The following KICS2 variants were observed in gnomAD, a reference collection of about 807,000 sequenced individuals.
The protein encoded by KICS2 is KICSTOR subunit 2.
KICS2 carries 13 observed loss-of-function variants against 31.4 expected under a neutral mutation model. The ratio of observed to expected loss-of-function variants is 0.41; its 90% confidence interval spans 0.27 to 0.66. The LOEUF (loss-of-function observed/expected upper bound fraction) is 0.66, where lower values mean the gene tolerates loss of function less well. KICS2 is among the 30% of genes least tolerant of loss of function. The pLI, the probability that KICS2 is intolerant of heterozygous loss-of-function variation, is 0.28. For synonymous variants in KICS2, 209 were observed against 214.8 expected (o/e 0.97, Z 0.24); for missense variants, 455 against 545.4 (o/e 0.83, Z 1.65).
chr12:64,209,498 T>A (rs373748797), intron 2 of KICS2, among the ~76,000 whole-genome samples: 235 of 152,152 alleles, frequency 1.5e-3, no homozygotes, highest in African/African-American at 4.7e-3. Flanking sequence ...GTCAGGAGAA[T>A]CGCTTGAACC....
At chr12:64,201,890 C>G (rs2037493881) in intron 2 of KICS2, among the ~76,000 whole-genome samples, 1 of 152,032 alleles carries the variant, frequency 6.6e-6, no homozygotes, top group African/African-American at 2.4e-5. Context: ...TAAGAAATAG[C>G]TAACACTTCA....
intron 2 of KICS2, among the ~76,000 whole-genome samples, chr12:64,194,937 T>C (rs529353544): frequency 0.049 from 308 of 6,280 alleles, 1 homozygote; most frequent in African/African-American, 0.16. Context: ...CTACAATTCA[T>C]TTTTTTTTTT....
At chr12:64,187,801 T>G (rs1289855878), downstream of KICS2, 1 of 605,172 alleles carries the variant, frequency 1.7e-6, no homozygotes, top group Non-Finnish European at 2.9e-6. Context: ...CAGAGGCTAC[T>G]TTAATGCTTT....
intron 2 of KICS2, among the ~76,000 whole-genome samples, chr12:64,203,865 C>T (rs182392804): frequency 2.6e-5 from 4 of 152,278 alleles, no homozygotes; most frequent in Admixed American, 2.0e-4. Flanking sequence ...AACATCCTTC[C>T]AGCTGAGGAA....
At chr12:64,214,453 A>T (rs2037609731) in intron 2 of KICS2, among the ~76,000 whole-genome samples, 1 of 152,238 alleles carries the variant, frequency 6.6e-6, no homozygotes, top group Admixed American at 6.5e-5. Flanking sequence ...TAACTACAGT[A>T]AGAACTTATA....
At chr12:64,188,048 A>G (rs947703826), downstream of KICS2, among the ~76,000 whole-genome samples, 1 of 152,116 alleles carries the variant, frequency 6.6e-6, no homozygotes, top group African/African-American at 2.4e-5. Context: ...TTCCCCCTCT[A>G]TGTATTCCTT....
In KICS2 at chr12:64,222,116, C is replaced by T; in HGVS notation, c.122G>A (p.Arg41Gln). The change falls in exon 1 of 3, where the codon CGA becomes CAA. Residue 41 changes from arginine to glutamine, a missense_variant. Arg to Gln is a conservative substitution (Grantham distance 43, BLOSUM62 1). Coordinates refer to ENST00000398055, the MANE Select transcript of KICS2 (RefSeq NM_152440.5). ...GCCCCCCGCGCTCTTGTTGGCCTCT[C>T]GTTCCTTCTCCACATTGTCCTTAGC... ...DKAKDNVEKE[R>Q]EANKSAGGSW... 6.2e-7 allele frequency: 1 copy of T among 1,614,074 alleles called. No homozygotes were observed. Among genetic ancestry groups the T allele is most frequent in the East Asian group, 2.2e-5 (1 of 44,860 alleles).
At chr12:64,207,301 C>CAAAAAAAA (rs35532711) in intron 2 of KICS2, among the ~76,000 whole-genome samples, 23 of 57,352 alleles carry the variant, frequency 4.0e-4, no homozygotes, top group African/African-American at 1.2e-3. Flanking sequence ...CAACTCGTCT[C>CAAAAAAAA]AAAAAAAAAA....
At chr12:64,188,206 T>C (rs562613933), downstream of KICS2, among the ~76,000 whole-genome samples, 28 of 152,232 alleles carry the variant, frequency 1.8e-4, no homozygotes, top group East Asian at 5.4e-3. Context: ...GCAGAAGCTA[T>C]GAGAAAGAAA....
downstream of KICS2, chr12:64,187,127 A>G (rs189191128): frequency 6.5e-6 from 1 of 153,920 alleles, no homozygotes; most frequent in Non-Finnish European, 1.4e-5. Context: ...AGTTTTTAGG[A>G]CCAGCAAAAG....
At chr12:64,190,951 C>T (rs768216738), downstream of KICS2, 1 of 152,184 alleles carries the variant, frequency 6.6e-6, no homozygotes, top group African/African-American at 2.4e-5. Context: ...GTCCAAACAG[C>T]ATCCTAAAAT....
In KICS2 at chr12:64,192,798, A is replaced by T; in HGVS notation, c.*1044T>A. On this transcript the variant is annotated 3_prime_UTR_variant, in exon 3 of 3. Transcript: ENST00000398055. ...AAGATGCAGTGCTGCTTCTAAACAT[A>T]ATTTGTGGGGGGCAGGCATGAAACC... is the stretch of plus-strand genomic sequence containing the variant. The T allele has an allele frequency of 1.0e-6, 1 of 985,434 alleles. No individual in the cohort carries two copies. Among genetic ancestry groups the T allele is most frequent in the Non-Finnish European group, 1.2e-6 (1 of 829,938 alleles). The allele number at this position is 985,434 out of a possible 1,614,324, so 61.0% of individuals were successfully genotyped here. A position where few individuals can be genotyped will look rare whatever the true frequency, so the allele number is the denominator to read the frequency against.
chr12:64,207,769 G>A (rs546936609), intron 2 of KICS2, among the ~76,000 whole-genome samples: 1 of 152,258 alleles, frequency 6.6e-6, no homozygotes, highest in South Asian at 2.1e-4. Context: ...GCCAATCCTA[G>A]TAGGCCTGCA....
In KICS2 at chr12:64,193,875, C is replaced by T; in HGVS notation, c.1305G>A (p.Val435=). Residue 435 remains valine (V), a synonymous_variant, in exon 3 of 3, where the codon GTG becomes GTA. Coordinates refer to ENST00000398055, the MANE Select transcript of KICS2 (RefSeq NM_152440.5). ...TGGCTCCAGGTTTCAGACTTGCAAA[C>T]ACTTTGGGGTTCTTAAGGGCAAGTG... is the stretch of plus-strand genomic sequence containing the variant. The part of the protein sequence containing the change: ...EVSLALKNPK[V]FASLKPGAKG 6.2e-7 allele frequency: 1 copy of T among 1,614,008 alleles called. No homozygotes were observed. The highest frequency in any genetic ancestry group is 8.5e-7 in the Non-Finnish European group (1 of 1,179,964).
Position 64,193,585 on chromosome 12 carries a change from A to G in KICS2, c.*257T>C. ...CAATCTACAAGAAATATAGCAAAAT[A>G]GGGGAAAATACTGAAACTACTTTGC... On this transcript the variant is annotated 3_prime_UTR_variant, in exon 3 of 3. Transcript: ENST00000398055. 8.2e-7 allele frequency: 1 copy of G among 1,221,764 alleles called. No individual in the cohort carries two copies. Among genetic ancestry groups the G allele is most frequent in the South Asian group, 3.2e-5 (1 of 30,940 alleles). The allele number at this position is 1,221,764 out of a possible 1,614,324, so 75.7% of individuals were successfully genotyped here. A position where few individuals can be genotyped will look rare whatever the true frequency, so the allele number is the denominator to read the frequency against.
chr12:64,208,096 A>G (rs1592385701), intron 2 of KICS2, among the ~76,000 whole-genome samples: 1 of 151,834 alleles, frequency 6.6e-6, no homozygotes, highest in African/African-American at 2.4e-5. Context: ...TGCAGCCTCC[A>G]CCTCCCGGGC....
At chr12:64,203,665 GA>G (rs900018399) in intron 2 of KICS2, among the ~76,000 whole-genome samples, 20 of 146,246 alleles carry the variant, frequency 1.4e-4, no homozygotes, top group Middle Eastern at 3.3e-3. Context: ...TAAACAATTA[GA>G]AAAAAAAAAT....
chr12:64,204,179 G>A (rs886868210), intron 2 of KICS2, among the ~76,000 whole-genome samples: 13 of 151,836 alleles, frequency 8.6e-5, no homozygotes, highest in African/African-American at 1.5e-4. Context: ...ACACAGGGAC[G>A]GGAACAACAC....
At chr12:64,205,830 A>G (rs2037534900) in intron 2 of KICS2, among the ~76,000 whole-genome samples, 1 of 152,148 alleles carries the variant, frequency 6.6e-6, no homozygotes, top group Non-Finnish European at 1.5e-5. Flanking sequence ...GGAAAATATA[A>G]AATGAATAGA....
Sources: gnomAD v4.1 joint callset for allele counts (sites outside exome capture counted in the v4.1 genomes callset) on GRCh38, gnomAD v4.1.1 for gene constraint, MANE v1.5 for transcripts, NCBI Gene and HGNC (gene_info 2026-07-23, HGNC 2026-07-21) for gene names.